POU2F2: variants seen among roughly 807,000 people sequenced by gnomAD.
POU2F2 encodes the protein POU domain, class 2, transcription factor 2.
POU2F2 carries 14 observed loss-of-function variants against 63.5 expected under a neutral mutation model. That is an observed-to-expected ratio of 0.22 (90% CI 0.15 to 0.34). POU2F2 has a LOEUF of 0.34. POU2F2 is among the 10% of genes least tolerant of loss of function. The probability of loss-of-function intolerance (pLI) is 1.00; values close to 1 mark genes in which losing one functional copy is unlikely to be tolerated. For synonymous variants in POU2F2, 306 were observed against 348.6 expected (o/e 0.88, Z 1.36); for missense variants, 607 against 815.2 (o/e 0.74, Z 3.11).
At chr19:42,138,804 A>G (rs2034069944) in intron 2 of POU2F2, among the ~76,000 whole-genome samples, 1 of 152,110 alleles carries the variant, frequency 6.6e-6, no homozygotes, top group South Asian at 2.1e-4. Context: ...AAGCAGGGGG[A>G]AGACACTTGG....
chr19:42,131,886 GC>G (rs1264797275), intron 1 of POU2F2, among the ~76,000 whole-genome samples: 1 of 151,810 alleles, frequency 6.6e-6, no homozygotes, highest in African/African-American at 2.4e-5. Flanking sequence ...ACACACAACA[GC>G]CCCCTACACT....
chr19:42,092,977 A>ATG lies in POU2F2; in HGVS notation c.1265-709_1265-708dup, dbSNP rs1397814502. Among the ~76,000 whole-genome samples the ATG allele has an allele frequency of 6.4e-4, 74 of 115,768 alleles. No individual in the cohort carries two copies. The highest frequency in any genetic ancestry group is 2.2e-3 in the African/African-American group (69 of 30,738). The allele number at this position is 115,768 out of a possible 152,430, so 75.9% of individuals were successfully genotyped here. ...TATATATATTATGCATATATATATT[A>ATG]TGTGTGTGTGTATATATATATATAT... On this transcript the variant is annotated intron_variant, in intron 12 of 14. Coordinates refer to ENST00000692977, the MANE Select transcript of POU2F2 (RefSeq NM_001394376.1). This position sits in a 1 kb window ranked among gnomAD's most constrained non-coding sequence, Gnocchi z 5.0.
intron 7 of POU2F2, 88 bp downstream of exon 7, chr19:42,099,439 A>G: frequency 8.6e-7 from 1 of 1,162,238 alleles, no homozygotes; most frequent in Non-Finnish European, 1.3e-6. Flanking sequence ...TGGAAAGGAG[A>G]CTCTCACTCA....
At chr19:42,135,767 G>A (rs1416562462), upstream of POU2F2, among the ~76,000 whole-genome samples, 3 of 150,904 alleles carry the variant, frequency 2.0e-5, no homozygotes, top group Admixed American at 6.6e-5. Flanking sequence ...GAGTGCAATG[G>A]CACAATCCCG....
At chr19:42,119,233 G>C (rs1302132617) in intron 4 of POU2F2, among the ~76,000 whole-genome samples, 1 of 152,116 alleles carries the variant, frequency 6.6e-6, no homozygotes, top group African/African-American at 2.4e-5. Flanking sequence ...CCTGGCAGGG[G>C]CATTAAGGGC....
intron 1 of POU2F2, chr19:42,196,272 CTG>C (rs1219362566): frequency 6.6e-6 from 1 of 152,214 alleles, no homozygotes; most frequent in Non-Finnish European, 1.5e-5. Context: ...TTGTGTGTAA[CTG>C]TCGGGTTCCA....
At chr19:42,183,462 G>A (rs964144205) in intron 1 of POU2F2, among the ~76,000 whole-genome samples, 11 of 152,178 alleles carry the variant, frequency 7.2e-5, no homozygotes, top group East Asian at 3.8e-4. Context: ...CAAAGGCGCC[G>A]GAGGGAACTT....
At position 42,107,380 on chromosome 19, in the gene POU2F2, A is replaced by T. The variant is rs965393228; in HGVS notation, c.370-7559T>A. On this transcript the variant is annotated intron_variant, in intron 5 of 14. Coordinates refer to ENST00000692977, the MANE Select transcript of POU2F2 (RefSeq NM_001394376.1). ...AAAAAAAATTAATTAATTAAAATTT[A>T]AAAAAATATAGGCATCAAACATATT... Among the ~76,000 whole-genome samples the T allele has an allele frequency of 4.6e-5, 7 of 152,288 alleles. No homozygotes were observed. The East Asian group carries it at 5.8e-4, about 13-fold the overall frequency.
In POU2F2 at chr19:42,091,513, G is replaced by A; in HGVS notation, c.1619C>T (p.Ala540Val). The A allele has an allele frequency of 2.6e-6, 4 of 1,546,278 alleles. No individual in the cohort carries two copies. Among genetic ancestry groups the A allele is most frequent in the Non-Finnish European group, 3.5e-6 (4 of 1,143,546 alleles). Residue 540 changes from alanine to valine, a missense_variant, in exon 15 of 15, where the codon GCC (alanine) becomes GTC (valine). This residue lies in a region of POU2F2 where 270 missense variants were observed against 307.5 expected (regional missense o/e 0.88). Transcript: ENST00000692977. ...GGTCACCAGGCCAGGGCTCCCCGGG[G>A]CTGCACCGGCTGCCCCCAGCACCAG... ...GNLVLGAAGA[A>V]PGSPGLVTSP...
chr19:42,091,634 CA>C (rs1194230609), intron 14 of POU2F2, 43 bp from the exon 15 acceptor site: 89 of 1,543,188 alleles, frequency 5.8e-5, no homozygotes, highest in Non-Finnish European at 7.5e-5. Flanking sequence ...CATGCCGGGC[CA>C]GGGGAGACCT....
chr19:42,184,310 T>C (rs776013791), intron 1 of POU2F2, among the ~76,000 whole-genome samples: 6 of 152,180 alleles, frequency 3.9e-5, no homozygotes, highest in Non-Finnish European at 7.3e-5. Context: ...GGATTTCTAA[T>C]TGGCCTCCTG....
intron 1 of POU2F2, among the ~76,000 whole-genome samples, chr19:42,170,374 G>C (rs2034737269): frequency 2.0e-5 from 3 of 149,912 alleles, no homozygotes; most frequent in Non-Finnish European, 1.5e-5. Flanking sequence ...GGAAGGCTCA[G>C]AGTGCAGAGC....
chr19:42,093,029 T>G (rs2076789484), intron 12 of POU2F2, among the ~76,000 whole-genome samples: 1 of 119,290 alleles, frequency 8.4e-6, no homozygotes, highest in Non-Finnish European at 1.7e-5. Flanking sequence ...TTTTTTTTTT[T>G]GAGATGGAAT....
In POU2F2 at chr19:42,088,644, TTTGG is replaced by T. The variant is rs2076622527; in HGVS notation, c.*2609_*2612del. On this transcript the variant is annotated 3_prime_UTR_variant, in exon 15 of 15. Coordinates refer to ENST00000692977, the MANE Select transcript of POU2F2 (RefSeq NM_001394376.1). ...TTGCTCTGCTCAAATGTCCTTCCTATTTGGTCAGGAGCCCTTGGCCCCCTCTCCA... is the reference window on the plus strand; with the variant it reads ...TTGCTCTGCTCAAATGTCCTTCCTATTCAGGAGCCCTTGGCCCCCTCTCCA... 1 of 152,564 alleles carries T rather than the reference TTTGG, an allele frequency of 6.6e-6. No individual in the cohort carries two copies. The highest frequency in any genetic ancestry group is 1.5e-5 in the Non-Finnish European group (1 of 68,030). The allele number at this position is 152,564 out of a possible 1,614,324, so 9.5% of individuals were successfully genotyped here.
chr19:42,195,478 G>A (rs1306110994), intron 1 of POU2F2, among the ~76,000 whole-genome samples: 23 of 151,250 alleles, frequency 1.5e-4, no homozygotes, highest in Admixed American at 3.9e-4. Flanking sequence ...AACTACAGGC[G>A]CCCGCCACCA....
intron 5 of POU2F2, among the ~76,000 whole-genome samples, chr19:42,112,352 T>G (rs1284713912): frequency 6.6e-6 from 1 of 152,186 alleles, no homozygotes; most frequent in Non-Finnish European, 1.5e-5. Flanking sequence ...GGCTCAAATC[T>G]AGCCAGGGGA....
At chr19:42,161,228 G>C (rs758626074) in intron 1 of POU2F2, among the ~76,000 whole-genome samples, 7 of 152,184 alleles carry the variant, frequency 4.6e-5, no homozygotes, top group Non-Finnish European at 8.8e-5. Flanking sequence ...TGCAAGGAAC[G>C]AGAGAATGCC....
intron 1 of POU2F2, among the ~76,000 whole-genome samples, chr19:42,126,269 C>T (rs1286670655): frequency 1.3e-5 from 2 of 151,902 alleles, no homozygotes; most frequent in Non-Finnish European, 2.9e-5. Context: ...AATGTGAAAT[C>T]CTACCCCTAC....
chr19:42,190,859 A>C (rs1021903556), intron 1 of POU2F2, among the ~76,000 whole-genome samples: 1 of 152,078 alleles, frequency 6.6e-6, no homozygotes, highest in Admixed American at 6.6e-5. Flanking sequence ...TTAAATTAAC[A>C]CCTATAGATG....
Sources: gnomAD v4.1 joint callset for allele counts (sites outside exome capture counted in the v4.1 genomes callset) on GRCh38, gnomAD v4.1.1 for gene constraint, gnomAD v4.1.1 regional missense constraint, Gnocchi (gnomAD v3.1) non-coding constraint, MANE v1.5 for transcripts, NCBI Gene and HGNC (gene_info 2026-07-23, HGNC 2026-07-21) for gene names.